ZNF710: variants seen among roughly 807,000 people sequenced by gnomAD.
ZNF710 encodes zinc finger protein 710.
Under a neutral mutation model 50.6 loss-of-function variants are expected in ZNF710, and 13 were observed. The ratio of observed to expected loss-of-function variants is 0.26; its 90% CI spans 0.17 to 0.41. ZNF710 has a LOEUF of 0.41. Ranked by LOEUF, ZNF710 falls within the 10% of genes least tolerant of loss-of-function variation. ZNF710 has a pLI of 1.00. For synonymous variants in ZNF710, 383 were observed against 397.0 expected (o/e 0.96, Z 0.42); for missense variants, 721 against 936.6 (o/e 0.77, Z 3.01).
chr15:90,027,846 GA>G (rs11390221), intron 1 of ZNF710, among the ~76,000 whole-genome samples: 2,198 of 133,274 alleles, frequency 0.016, 61 homozygotes, highest in African/African-American at 0.056. Context: ...ACACTGTCTC[GA>G]AAAAAAAAAA....
chr15:90,021,863 A>G (rs904469883), intron 1 of ZNF710, among the ~76,000 whole-genome samples: 1 of 152,166 alleles, frequency 6.6e-6, no homozygotes, highest in African/African-American at 2.4e-5. Context: ...AGGCAGGCGG[A>G]TCACCTGAGG....
At chr15:90,071,562 G>A (rs1339512690) in intron 2 of ZNF710, among the ~76,000 whole-genome samples, 1 of 151,740 alleles carries the variant, frequency 6.6e-6, no homozygotes, top group Non-Finnish European at 1.5e-5. Flanking sequence ...AAGCAGTTAA[G>A]ACAGCAGCTG....
At position 90,068,012 on chromosome 15, in the gene ZNF710, A is replaced by C. The variant is rs1596057725; in HGVS notation, c.875A>C (p.Gln292Pro). The change falls in exon 2 of 5, where the codon CAG becomes CCG. Residue 292 changes from glutamine (Q) to proline (P), a missense_variant. Physicochemically the swap from Gln to Pro is moderately conservative, Grantham distance 76. Around this residue, in one of 3 missense-constraint regions of ZNF710, gnomAD observed 326 missense variants for 522.0 expected, o/e 0.62. Transcript: ENST00000268154. This position sits in a 1 kb window ranked among gnomAD's most constrained non-coding sequence, Gnocchi z 5.0. ...TATCTGGTGGAGGCGGGCGACCGCCAGAAGCGCTGGCAGTGCCGCATGTGC... is the reference window on the plus strand; with the variant it reads ...TATCTGGTGGAGGCGGGCGACCGCCCGAAGCGCTGGCAGTGCCGCATGTGC... The part of the protein sequence containing the change: ...DSYLVEAGDR[Q>P]KRWQCRMCEK... 1 of 1,614,172 alleles carries C rather than the reference A, an allele frequency of 6.2e-7. No homozygotes were observed. The highest frequency in any genetic ancestry group is 8.5e-7 in the Non-Finnish European group (1 of 1,180,040).
intron 1 of ZNF710, chr15:90,025,380 C>A (rs192146578): frequency 5.9e-5 from 9 of 152,262 alleles, no homozygotes; most frequent in Non-Finnish European, 1.3e-4. Context: ...TTAAAGAAAT[C>A]TTATTATTAA....
At chr15:89,999,698 T>G (rs934593550), upstream of ZNF710, among the ~76,000 whole-genome samples, 1 of 151,776 alleles carries the variant, frequency 6.6e-6, no homozygotes, top group African/African-American at 2.4e-5. Context: ...GGGGCTCTCG[T>G]TTCTAAAGGC....
chr15:90,074,835 G>C (rs975193489), intron 4 of ZNF710: 3 of 304,614 alleles, frequency 9.8e-6, no homozygotes, highest in African/African-American at 6.9e-5. Flanking sequence ...TCCTAAGCAA[G>C]GGACATGCAG....
chr15:90,027,203 C>A (rs115615683), intron 1 of ZNF710, among the ~76,000 whole-genome samples: 1 of 151,944 alleles, frequency 6.6e-6, no homozygotes, highest in Non-Finnish European at 1.5e-5. Context: ...ATTGTAACTT[C>A]TTTTTCTTCT....
At chr15:90,073,786 C>T (rs1017887521) in intron 3 of ZNF710, among the ~76,000 whole-genome samples, 4 of 151,798 alleles carry the variant, frequency 2.6e-5, no homozygotes, top group South Asian at 2.1e-4. Context: ...GTAAGGAGTT[C>T]GAGACCAGCC....
chr15:90,002,934 C>G (rs551892530), intron 1 of ZNF710, among the ~76,000 whole-genome samples: 1 of 152,048 alleles, frequency 6.6e-6, no homozygotes, highest in Non-Finnish European at 1.5e-5. Context: ...AGTGCAGTGG[C>G]GCGATCTCGG....
At position 90,059,313 on chromosome 15, in the gene ZNF710, G is replaced by A. The variant is rs1327642097; in HGVS notation, c.-28-7797G>A. On this transcript the variant is annotated intron_variant, in intron 1 of 4. Coordinates refer to ENST00000268154, the MANE Select transcript of ZNF710 (RefSeq NM_198526.4). This position sits in a 1 kb window ranked among gnomAD's most constrained non-coding sequence, Gnocchi z 4.1. ...GAGCCATCTTGGGCAGCAAATGAAGGCATGGGCAGTGCATCCCGCCTACCA... is the reference window on the plus strand; with the variant it reads ...GAGCCATCTTGGGCAGCAAATGAAGACATGGGCAGTGCATCCCGCCTACCA... Among the ~76,000 whole-genome samples, 1 of 152,208 alleles carries A rather than the reference G, an allele frequency of 6.6e-6. No individual in the cohort carries two copies. Among genetic ancestry groups the A allele is most frequent in the Non-Finnish European group, 1.5e-5 (1 of 68,040 alleles).
intron 4 of ZNF710, chr15:90,074,733 A>T (rs1900533950): frequency 1.2e-5 from 4 of 347,666 alleles, no homozygotes; most frequent in Non-Finnish European, 1.6e-5. Flanking sequence ...AAATAAGTGT[A>T]TGGGAAAGAA....
Position 90,074,197 on chromosome 15 carries a change from C to T in ZNF710, c.1732C>T (p.Pro578Ser), listed in dbSNP as rs765929152. The T allele has an allele frequency of 1.2e-6, 2 of 1,613,126 alleles. No individual in the cohort carries two copies. Among genetic ancestry groups the T allele is most frequent in the Non-Finnish European group, 1.7e-6 (2 of 1,179,770 alleles). Reference sequence around the variant, plus strand: ...CGCCGGCAGCAAGCCCTTCAAGTGCCCCTACTGCTCCAGCAAGTTTAATCT... The same window carrying T: ...CGCCGGCAGCAAGCCCTTCAAGTGCTCCTACTGCTCCAGCAAGTTTAATCT... ...LHAGSKPFKCPYCSSKFNLKG... is the reference protein window; with the variant it reads ...LHAGSKPFKCSYCSSKFNLKG... Residue 578 changes from proline (P) to serine (S), a missense_variant, in exon 4 of 5, where the codon CCC becomes TCC. This residue lies in a region of ZNF710 where 326 missense variants were observed against 522.0 expected (regional missense o/e 0.62). Transcript: ENST00000268154.
chr15:90,036,486 C>A (rs1596280291), intron 1 of ZNF710, among the ~76,000 whole-genome samples: 1 of 152,104 alleles, frequency 6.6e-6, no homozygotes, highest in Admixed American at 6.5e-5. Flanking sequence ...TCCAGATGGT[C>A]TCTCCCCATT....
chr15:90,044,389 GC>G (rs1415872242), intron 1 of ZNF710, among the ~76,000 whole-genome samples: 5 of 152,240 alleles, frequency 3.3e-5, no homozygotes, highest in Non-Finnish European at 7.3e-5. Flanking sequence ...CCAAGGCGGG[GC>G]TAGGTGGCGT....
chr15:90,063,410 G>A (rs1219543914), intron 1 of ZNF710, among the ~76,000 whole-genome samples: 1 of 152,028 alleles, frequency 6.6e-6, no homozygotes, highest in Non-Finnish European at 1.5e-5. Flanking sequence ...TGGCTGACTG[G>A]GGACCTCGTG....
chr15:90,011,142 C>G (rs1898291644), intron 1 of ZNF710, among the ~76,000 whole-genome samples: 2 of 152,110 alleles, frequency 1.3e-5, no homozygotes, highest in South Asian at 4.1e-4. Context: ...GTTGCCCAGG[C>G]TGGTCTTGAA....
intron 1 of ZNF710, among the ~76,000 whole-genome samples, chr15:90,004,969 A>G (rs1251109809): frequency 1.3e-5 from 2 of 152,226 alleles, no homozygotes; most frequent in South Asian, 2.1e-4. Flanking sequence ...CAGTTTAGTC[A>G]TCGGGATTTT....
rs547945285 is a variant in ZNF710, at chr15:90,034,976, T to C, written c.-28-32134T>C. Among the ~76,000 whole-genome samples the C allele has an allele frequency of 7.7e-4, 117 of 152,002 alleles. No individual in the cohort carries two copies. The highest frequency in any genetic ancestry group is 2.7e-3 in the African/African-American group (114 of 41,458). On this transcript the variant is annotated intron_variant, in intron 1 of 4. Coordinates refer to ENST00000268154, the MANE Select transcript of ZNF710 (RefSeq NM_198526.4). This position sits in a 1 kb window ranked among gnomAD's most constrained non-coding sequence, Gnocchi z 4.0. ...AGGGCTTCCCTGCTGGTAGAAGGGG[T>C]GTCTGGAGGGCCTCTGCCTTCCGTC...
intron 1 of ZNF710, among the ~76,000 whole-genome samples, chr15:90,007,979 A>G (rs564520367): frequency 1.5e-4 from 23 of 152,046 alleles, no homozygotes; most frequent in Non-Finnish European, 3.1e-4. Context: ...TAATTAGAAA[A>G]CAAAACTGCT....
Sources: gnomAD v4.1 joint callset for allele counts (sites outside exome capture counted in the v4.1 genomes callset) on GRCh38, gnomAD v4.1.1 for gene constraint, gnomAD v4.1.1 regional missense constraint, Gnocchi (gnomAD v3.1) non-coding constraint, MANE v1.5 for transcripts, NCBI Gene and HGNC (gene_info 2026-07-23, HGNC 2026-07-21) for gene names.